SMO: variants seen among roughly 807,000 people sequenced by gnomAD.
SMO encodes the protein smoothened, frizzled class receptor.
A neutral mutation model predicts 81.6 loss-of-function variants in SMO; 40 were observed. That is an observed-to-expected ratio of 0.49 (90% CI 0.38 to 0.64). The LOEUF is 0.64. Ranked by LOEUF, SMO falls within the 30% of genes least tolerant of loss-of-function variation. SMO has a pLI of 0.00. For missense variants in SMO, 916 were observed against 1,061.1 expected, an observed-to-expected ratio of 0.86 and a Z score of 1.90; for synonymous variants, 434 against 432.1, an observed-to-expected ratio of 1.00 and a Z score of -0.05.
chr7:129,197,071 TG>T (rs1793594607), intron 1 of SMO, among the ~76,000 whole-genome samples: 1 of 152,144 alleles, frequency 6.6e-6, no homozygotes, highest in Admixed American at 6.5e-5. Flanking sequence ...TATTTCACTT[TG>T]TTGCTGATAT....
intron 1 of SMO, among the ~76,000 whole-genome samples, chr7:129,201,563 A>G (rs1339239560): frequency 6.6e-6 from 1 of 152,146 alleles, no homozygotes; most frequent in Non-Finnish European, 1.5e-5. Context: ...ATATTCTCTC[A>G]TGCTACTATT....
rs75333855 is a variant in SMO, at chr7:129,206,791, A to G, written c.1264+204A>G. 6.6e-6 allele frequency among the ~76,000 whole-genome samples: 1 copy of G among 152,146 alleles called. No individual in the cohort carries two copies. Among genetic ancestry groups the G allele is most frequent in the Admixed American group, 6.5e-5 (1 of 15,268 alleles). On this transcript the variant is annotated intron_variant, in intron 6 of 11. Transcript: ENST00000249373. This position sits in a 1 kb window ranked among gnomAD's most constrained non-coding sequence, Gnocchi z 4.4. ...GGGACAGCACCTTTGTACTGGCCAG[A>G]AAAATCCATCCCTCTCTCCAGGGCC...
In SMO at chr7:129,212,633, C is replaced by G. The variant is rs556213128; in HGVS notation, c.*182C>G. 142 of 632,184 alleles carry G rather than the reference C, an allele frequency of 2.2e-4. No individual in the cohort carries two copies. The African/African-American group carries it at 2.3e-3, about 10-fold the overall frequency. The allele number at this position is 632,184 out of a possible 1,614,324, so 39.2% of individuals were successfully genotyped here. A position where few individuals can be genotyped will look rare whatever the true frequency, so the allele number is the denominator to read the frequency against. The stretch of plus-strand genomic sequence containing the variant: ...AGGACTGTGGGAAAGAGCCTAACAT[C>G]TCCATGGGGAGGCCTCACCCCAGGG... On this transcript the variant is annotated 3_prime_UTR_variant, in exon 12 of 12. Coordinates refer to ENST00000249373, the MANE Select transcript of SMO (RefSeq NM_005631.5). The surrounding 1 kb of genome is among the most constrained non-coding windows in gnomAD (Gnocchi z 5.0).
intron 1 of SMO, among the ~76,000 whole-genome samples, chr7:129,192,427 A>C (rs571745459): frequency 1.3e-5 from 2 of 152,170 alleles, no homozygotes; most frequent in Non-Finnish European, 2.9e-5. Context: ...GATGATAAGG[A>C]GCCATTGAAA....
Position 129,210,692 on chromosome 7 carries a change from G to T in SMO, c.1652+144G>T, listed in dbSNP as rs1793855099. On this transcript the variant is annotated intron_variant, in intron 9 of 11. Transcript: ENST00000249373. The surrounding 1 kb of genome is among the most constrained non-coding windows in gnomAD (Gnocchi z 4.7). ...CCCCCTGGTGGCACCTTCTGTCCTT[G>T]GGTGGCCTGATGCCTGGGCCTGGGC... 1.3e-6 allele frequency: 1 copy of T among 767,804 alleles called. No individual in the cohort carries two copies. The highest frequency in any genetic ancestry group is 2.1e-6 in the Non-Finnish European group (1 of 481,914). The allele number at this position is 767,804 out of a possible 1,614,324, so 47.6% of individuals were successfully genotyped here. A position where few individuals can be genotyped will look rare whatever the true frequency, so the allele number is the denominator to read the frequency against.
chr7:129,204,929 G>A (rs931295490), intron 2 of SMO, among the ~76,000 whole-genome samples: 6 of 151,878 alleles, frequency 4.0e-5, no homozygotes, highest in East Asian at 1.9e-4. Flanking sequence ...AGAATTGCCC[G>A]GGAGGCAGAG....
In SMO at chr7:129,189,491, G is replaced by A. The variant is rs777756361; in HGVS notation, c.331+9G>A. 9.1e-6 allele frequency: 14 copies of A among 1,535,650 alleles called. No individual in the cohort carries two copies. The South Asian group carries it at 9.5e-5, about 10-fold the overall frequency. On this transcript the variant is annotated intron_variant, in intron 1 of 11. Transcript: ENST00000249373. This position sits in a 1 kb window ranked among gnomAD's most constrained non-coding sequence, Gnocchi z 4.7. ...GCTCGTGCTCTGGTCGGGTAAGTGC[G>A]GCGGAGCCGGGTCTGGGGGGCGGGA... is the stretch of plus-strand genomic sequence containing the variant.
At chr7:129,197,916 C>T (rs1051450384) in intron 1 of SMO, among the ~76,000 whole-genome samples, 6 of 152,094 alleles carry the variant, frequency 3.9e-5, no homozygotes, top group African/African-American at 1.2e-4. Context: ...CAGCCAGGCG[C>T]GGTAACACCC....
Position 129,206,766 on chromosome 7 carries a change from G to A in SMO, c.1264+179G>A, listed in dbSNP as rs369255582. Among the ~76,000 whole-genome samples, 10 of 152,290 alleles carry A rather than the reference G, an allele frequency of 6.6e-5. No homozygotes were observed. Among genetic ancestry groups the A allele is most frequent in the South Asian group, 6.2e-4 (3 of 4,828 alleles). ...ACGAAACACCGTGAGCACTTGCTGC[G>A]GGACAGCACCTTTGTACTGGCCAGA... On this transcript the variant is annotated intron_variant, in intron 6 of 11. Coordinates refer to ENST00000249373, the MANE Select transcript of SMO (RefSeq NM_005631.5). The surrounding 1 kb of genome is among the most constrained non-coding windows in gnomAD (Gnocchi z 4.4).
In SMO at chr7:129,208,915, G is replaced by A. The variant is rs928014094; in HGVS notation, c.1357+64G>A. 8.8e-7 allele frequency: 1 copy of A among 1,131,288 alleles called. No individual in the cohort carries two copies. The highest frequency in any genetic ancestry group is 1.3e-6 in the Non-Finnish European group (1 of 753,194). The allele number at this position is 1,131,288 out of a possible 1,614,324, so 70.1% of individuals were successfully genotyped here. On this transcript the variant is annotated intron_variant, in intron 7 of 11. Transcript: ENST00000249373. This position sits in a 1 kb window ranked among gnomAD's most constrained non-coding sequence, Gnocchi z 5.2. ...CAGCCCAACACTGCACCCTCCTGGG[G>A]CTATGCGACCGGCAGGATGCAGTAA...
intron 1 of SMO, among the ~76,000 whole-genome samples, chr7:129,191,603 G>T (rs910645514): frequency 2.0e-5 from 3 of 152,142 alleles, no homozygotes; most frequent in Non-Finnish European, 4.4e-5. Flanking sequence ...CAAGCCTCGT[G>T]TGAGAATCAC....
chr7:129,200,500 T>C (rs1793653066), intron 1 of SMO, among the ~76,000 whole-genome samples: 1 of 152,238 alleles, frequency 6.6e-6, no homozygotes, highest in African/African-American at 2.4e-5. Flanking sequence ...TTTATCCATC[T>C]GGACTTTTAT....
At chr7:129,209,530 G>A (rs1383168879) in intron 8 of SMO, 133 bp downstream of exon 8, 24 of 626,700 alleles carry the variant, frequency 3.8e-5, no homozygotes, top group Non-Finnish European at 6.4e-5. Flanking sequence ...GATGGTGTCT[G>A]GGTGCATAAG....
chr7:129,199,182 CTTTT>C (rs71526090), intron 1 of SMO, among the ~76,000 whole-genome samples: 1 of 126,646 alleles, frequency 7.9e-6, no homozygotes. Context: ...ATTTTCTTTT[CTTTT>C]TTTTTTTTTT....
chr7:129,195,041 C>A (rs1230349879), intron 1 of SMO, among the ~76,000 whole-genome samples: 1 of 152,218 alleles, frequency 6.6e-6, no homozygotes, highest in Non-Finnish European at 1.5e-5. Flanking sequence ...CCTCATACTG[C>A]AGCTTATTTC....
rs116193648 is a variant in SMO, at chr7:129,203,483, G to C, written c.431G>C (p.Arg144Pro). The change falls in exon 2 of 12, where the codon CGT becomes CCT. Residue 144 changes from arginine (R) to proline (P), a missense_variant. Arg to Pro is a moderately radical substitution (Grantham distance 103). Coordinates refer to ENST00000249373, the MANE Select transcript of SMO (RefSeq NM_005631.5). ...CENDRVELPS[R>P]TLCQATRGPC... ...AATGACCGGGTGGAGCTGCCCAGCC[G>C]TACCCTCTGCCAGGCCACCCGAGGC... 4 of 1,597,588 alleles carry C rather than the reference G, an allele frequency of 2.5e-6. No individual in the cohort carries two copies. The highest frequency in any genetic ancestry group is 3.4e-6 in the Non-Finnish European group (4 of 1,172,918).
In SMO at chr7:129,189,348, G is replaced by T; in HGVS notation, c.197G>T (p.Arg66Leu). ...GPPPPLSHCG[R>L]AAPCEPLRYN... ...CCGCCGCCGCTGAGCCACTGCGGCC[G>T]GGCTGCCCCCTGCGAGCCGCTGCGC... The change falls in exon 1 of 12, where the codon CGG (arginine) becomes CTG (leucine). Residue 66 changes from arginine to leucine, a missense_variant. Arg to Leu is a moderately radical substitution (Grantham distance 102). Transcript: ENST00000249373. The surrounding 1 kb of genome is among the most constrained non-coding windows in gnomAD (Gnocchi z 4.7). 1.3e-6 allele frequency: 2 copies of T among 1,526,894 alleles called. No homozygotes were observed. Among genetic ancestry groups the T allele is most frequent in the Non-Finnish European group, 8.7e-7 (1 of 1,143,294 alleles). The allele number at this position is 1,526,894 out of a possible 1,614,324, so 94.6% of individuals were successfully genotyped here.
rs116059805 is a variant in SMO at position 129,206,755 on chromosome 7, G to A, written c.1264+168G>A. On this transcript the variant is annotated intron_variant, in intron 6 of 11. Transcript: ENST00000249373. This position sits in a 1 kb window ranked among gnomAD's most constrained non-coding sequence, Gnocchi z 4.4. ...CCTCTAGGCAGACGAAACACCGTGA[G>A]CACTTGCTGCGGGACAGCACCTTTG... 7.6e-3 allele frequency among the ~76,000 whole-genome samples: 1,164 copies of A among 152,334 alleles called. 14 individuals are homozygous for A. Among genetic ancestry groups the A allele is most frequent in the African/African-American group, 0.027 (1,111 of 41,580 alleles).
Position 129,211,503 on chromosome 7 carries a change from G to A in SMO, c.1802-133G>A. ...TTCTGAAGGGGTAGAGATCACCGTG[G>A]TTACAGGGTGAGCTTTCTCTGGTGA... On this transcript the variant is annotated intron_variant, in intron 10 of 11. Transcript: ENST00000249373. This position sits in a 1 kb window ranked among gnomAD's most constrained non-coding sequence, Gnocchi z 4.6. The A allele has an allele frequency of 1.0e-6, 1 of 995,482 alleles. No individual in the cohort carries two copies. The highest frequency in any genetic ancestry group is 1.3e-5 in the South Asian group (1 of 75,964). The allele number at this position is 995,482 out of a possible 1,614,324, so 61.7% of individuals were successfully genotyped here. A position where few individuals can be genotyped will look rare whatever the true frequency, so the allele number is the denominator to read the frequency against.
Sources: allele counts gnomAD v4.1 joint callset (sites outside exome capture counted in the v4.1 genomes callset), GRCh38; gene constraint gnomAD v4.1.1; non-coding constraint Gnocchi (gnomAD v3.1); transcripts MANE v1.5; gene names NCBI Gene and HGNC (gene_info 2026-07-23, HGNC 2026-07-21).